The following TMEM178B variants were observed in gnomAD, a reference collection of about 807,000 sequenced individuals.
TMEM178B encodes transmembrane protein 178B.
Under a neutral mutation model 31.0 loss-of-function variants are expected in TMEM178B, and 5 were observed. That is an observed-to-expected ratio of 0.16 (90% confidence interval 0.08 to 0.34). The LOEUF (loss-of-function observed/expected upper bound fraction) is 0.34. Ranked by LOEUF, TMEM178B falls within the 10% of genes least tolerant of loss-of-function variation. The pLI is 1.00. For missense variants in TMEM178B, 275 were observed against 400.3 expected (o/e 0.69, Z 2.67); for synonymous variants, 164 against 164.0 (o/e 1.00, Z 0.00).
At chr7:141,160,452 C>A (rs1796151145) in intron 1 of TMEM178B, among the ~76,000 whole-genome samples, 1 of 152,208 alleles carries the variant, frequency 6.6e-6, no homozygotes, top group Admixed American at 6.5e-5. Context: ...CTGCCTCCTC[C>A]TTGCCCCTCC....
At chr7:141,077,322 C>T (rs1053877238) in intron 1 of TMEM178B, among the ~76,000 whole-genome samples, 2 of 152,060 alleles carry the variant, frequency 1.3e-5, no homozygotes, top group African/African-American at 4.8e-5. Flanking sequence ...AAAAGAAAAC[C>T]AGAGAAAAGA....
intron 2 of TMEM178B, among the ~76,000 whole-genome samples, chr7:141,236,380 G>A (rs1586841666): frequency 1.3e-5 from 2 of 152,378 alleles, no homozygotes; most frequent in Non-Finnish European, 2.9e-5. Context: ...CCCCTGGGAA[G>A]AATTCCCAAC....
chr7:141,501,847 GCTCTCTCT>G, the TMEM178B span, among the ~76,000 whole-genome samples: 7 of 148,760 alleles, frequency 4.7e-5, no homozygotes, highest in African/African-American at 1.2e-4. Context: ...AGTCTCTCAT[GCTCTCTCT>G]CTCTCTCTCT....
intron 1 of TMEM178B, among the ~76,000 whole-genome samples, chr7:141,200,417 C>T (rs1460447680): frequency 1.3e-5 from 2 of 151,692 alleles, no homozygotes; most frequent in East Asian, 1.9e-4. Flanking sequence ...GTCCTGGTTG[C>T]GGGGGGAGAC....
At chr7:141,219,258 C>G (rs1188137686) in intron 2 of TMEM178B, among the ~76,000 whole-genome samples, 1 of 152,186 alleles carries the variant, frequency 6.6e-6, no homozygotes, top group Non-Finnish European at 1.5e-5. Context: ...CAGGCCTGAG[C>G]TCCAGTAGGG....
At chr7:141,246,305 TAC>T (rs1421158778) in intron 2 of TMEM178B, among the ~76,000 whole-genome samples, 2 of 152,222 alleles carry the variant, frequency 1.3e-5, no homozygotes, top group Non-Finnish European at 2.9e-5. Context: ...GAAAAATACT[TAC>T]AGAGTAATGA....
chr7:141,183,153 G>T (rs1301857759), intron 1 of TMEM178B, among the ~76,000 whole-genome samples: 1 of 152,156 alleles, frequency 6.6e-6, no homozygotes. Context: ...CTAACACCTT[G>T]TGAGTCAGAG....
rs937921263 is a variant in TMEM178B, at chr7:141,336,292, T to G, written c.497-101316T>G. 5.3e-5 allele frequency among the ~76,000 whole-genome samples: 8 copies of G among 152,184 alleles called. No individual in the cohort carries two copies. The South Asian group carries it at 6.2e-4, about 12-fold the overall frequency. On this transcript the variant is annotated intron_variant, in intron 2 of 3. Transcript: ENST00000565468. ...GGTCCTAACTCCCTGGCCTCCTGCC[T>G]GTCTGCCTCCATTTCCTCATCTATT...
chr7:141,298,984 G>A (rs1285296700), intron 2 of TMEM178B, among the ~76,000 whole-genome samples: 1 of 152,102 alleles, frequency 6.6e-6, no homozygotes, highest in East Asian at 1.9e-4. Flanking sequence ...GGAACATGTG[G>A]GATTTTGTCT....
the TMEM178B span, among the ~76,000 whole-genome samples, chr7:141,499,550 G>A: frequency 2.0e-5 from 3 of 151,738 alleles, no homozygotes; most frequent in East Asian, 3.9e-4. Context: ...GAGGTGGGAG[G>A]ATTGCTTAAG....
chr7:141,098,550 C>T (rs1195188418), intron 1 of TMEM178B, among the ~76,000 whole-genome samples: 1 of 152,194 alleles, frequency 6.6e-6, no homozygotes, highest in East Asian at 1.9e-4. Context: ...TTACAGTTTA[C>T]TATCTGTGTG....
intron 2 of TMEM178B, among the ~76,000 whole-genome samples, chr7:141,371,282 C>G (rs1428645551): frequency 6.6e-6 from 1 of 151,256 alleles, no homozygotes; most frequent in Non-Finnish European, 1.5e-5. Flanking sequence ...TTAGTTCCCT[C>G]TAGAGCTGGT....
At chr7:141,328,598 CCTT>C in intron 2 of TMEM178B, among the ~76,000 whole-genome samples, 1 of 152,138 alleles carries the variant, frequency 6.6e-6, no homozygotes, top group Non-Finnish European at 1.5e-5. Flanking sequence ...TGGTTTGTAA[CCTT>C]CTCTCTCTTC....
the TMEM178B span, among the ~76,000 whole-genome samples, chr7:141,502,100 C>A: frequency 6.6e-6 from 1 of 152,132 alleles, no homozygotes; most frequent in African/African-American, 2.4e-5. Flanking sequence ...TGAGACCTTG[C>A]TTCATCTGTT....
intron 2 of TMEM178B, among the ~76,000 whole-genome samples, chr7:141,309,139 A>T (rs896734820): frequency 2.0e-5 from 3 of 151,888 alleles, no homozygotes; most frequent in Admixed American, 6.5e-5. Context: ...AATAACTTGG[A>T]AAAGTATAGA....
At chr7:141,148,188 C>G (rs948832560) in intron 1 of TMEM178B, among the ~76,000 whole-genome samples, 12 of 152,170 alleles carry the variant, frequency 7.9e-5, no homozygotes, top group African/African-American at 2.9e-4. Flanking sequence ...ACCACTGTTT[C>G]TATTGTCCAT....
At chr7:141,297,723 G>A (rs1166070745) in intron 2 of TMEM178B, among the ~76,000 whole-genome samples, 1 of 152,156 alleles carries the variant, frequency 6.6e-6, no homozygotes, top group Non-Finnish European at 1.5e-5. Context: ...TCCATGGTGT[G>A]TATGTGCCAC....
intron 2 of TMEM178B, among the ~76,000 whole-genome samples, chr7:141,273,283 G>A (rs1798214722): frequency 6.6e-6 from 1 of 152,206 alleles, no homozygotes; most frequent in Admixed American, 6.5e-5. Context: ...AGATGAACAA[G>A]TTCTGGGGAG....
downstream of TMEM178B, among the ~76,000 whole-genome samples, chr7:141,480,660 A>T (rs1651977927): frequency 1.3e-5 from 2 of 152,222 alleles, no homozygotes; most frequent in Non-Finnish European, 1.5e-5. Flanking sequence ...TTTTCCTATT[A>T]CTGGCATTAA....
Sources: gnomAD v4.1 joint callset for allele counts (sites outside exome capture counted in the v4.1 genomes callset) on GRCh38, gnomAD v4.1.1 for gene constraint, MANE v1.5 for transcripts, NCBI Gene and HGNC (gene_info 2026-07-23, HGNC 2026-07-21) for gene names.